SIPA1L1: variants seen among roughly 807,000 people sequenced by gnomAD.
SIPA1L1 encodes signal-induced proliferation-associated 1-like protein 1.
Under a neutral mutation model 162.7 loss-of-function variants are expected in SIPA1L1, and 26 were observed. That is an observed-to-expected ratio of 0.16 (90% CI 0.12 to 0.22). The LOEUF is 0.22. SIPA1L1 is among the 10% of genes least tolerant of loss of function. SIPA1L1 has a pLI of 1.00. For missense variants in SIPA1L1, 1,874 were observed against 2,241.0 expected, an observed-to-expected ratio of 0.84 and a Z score of 3.31; for synonymous variants, 829 against 837.4, an observed-to-expected ratio of 0.99 and a Z score of 0.17.
chr14:71,540,249 G>T (rs1490311287), intron 4 of SIPA1L1, among the ~76,000 whole-genome samples: 1 of 152,214 alleles, frequency 6.6e-6, no homozygotes. Context: ...TCCTGCCTCT[G>T]TTGTGAGACT....
intron 2 of SIPA1L1, among the ~76,000 whole-genome samples, chr14:71,474,794 C>G (rs962405469): frequency 1.3e-5 from 2 of 152,092 alleles, no homozygotes; most frequent in Admixed American, 1.3e-4. Context: ...ATAGTTGATT[C>G]TTAATTCTGA....
intron 2 of SIPA1L1, among the ~76,000 whole-genome samples, chr14:71,447,958 G>T (rs1028203770): frequency 3.3e-5 from 5 of 152,096 alleles, no homozygotes; most frequent in African/African-American, 9.7e-5. Flanking sequence ...AAAGTTCATG[G>T]TATTCCAAGG....
chr14:71,346,497 G>A (rs1314244873), intron 2 of SIPA1L1, among the ~76,000 whole-genome samples: 1 of 152,164 alleles, frequency 6.6e-6, no homozygotes, highest in African/African-American at 2.4e-5. Flanking sequence ...TCAGAGCAAA[G>A]ATGGTATTAC....
chr14:71,704,838 T>A (rs2082329895), intron 15 of SIPA1L1: 3 of 1,245,232 alleles, frequency 2.4e-6, no homozygotes, highest in Non-Finnish European at 2.4e-6. Flanking sequence ...TCCATGCCTG[T>A]CTAGGTAATG....
chr14:71,504,576 T>C (rs1209888870), intron 2 of SIPA1L1, among the ~76,000 whole-genome samples: 3 of 152,164 alleles, frequency 2.0e-5, no homozygotes, highest in Non-Finnish European at 4.4e-5. Context: ...CATTATCTTA[T>C]GTATTATTAA....
At chr14:71,738,193 CAG>C in intron 22 of SIPA1L1, 46 bp from the exon 23 acceptor site, 2 of 979,486 alleles carry the variant, frequency 2.0e-6, no homozygotes, top group Non-Finnish European at 3.1e-6. Context: ...AAAACAAACC[CAG>C]CCATGGAGGC....
At chr14:71,539,402 A>G (rs2054183510) in intron 4 of SIPA1L1, among the ~76,000 whole-genome samples, 1 of 152,210 alleles carries the variant, frequency 6.6e-6, no homozygotes, top group Non-Finnish European at 1.5e-5. Context: ...CTTCTCGATT[A>G]GGCCAGCTTG....
intron 2 of SIPA1L1, among the ~76,000 whole-genome samples, chr14:71,388,465 T>C (rs1699901185): frequency 3.3e-5 from 5 of 152,260 alleles, no homozygotes; most frequent in Admixed American, 3.3e-4. Context: ...TTAGCTTTTC[T>C]TTTCATAGCC....
intron 17 of SIPA1L1, among the ~76,000 whole-genome samples, chr14:71,715,573 C>T (rs143341489): frequency 2.0e-4 from 31 of 152,334 alleles, no homozygotes; most frequent in African/African-American, 7.2e-4. Context: ...AACCAAAATC[C>T]TGTTCCACCT....
At chr14:71,639,483 A>C (rs892998678) in intron 7 of SIPA1L1, among the ~76,000 whole-genome samples, 8 of 152,206 alleles carry the variant, frequency 5.3e-5, no homozygotes, top group Non-Finnish European at 1.2e-4. Context: ...TATATTAATC[A>C]TGTCAGTGTT....
At chr14:71,457,442 G>T (rs534351345) in intron 2 of SIPA1L1, among the ~76,000 whole-genome samples, 210 of 151,906 alleles carry the variant, frequency 1.4e-3, no homozygotes, top group Non-Finnish European at 2.5e-3. Context: ...GTGGCTACAG[G>T]CACATGTCAC....
At chr14:71,571,628 G>GTTTATTTATTTATTTA (rs374571269) in intron 4 of SIPA1L1, among the ~76,000 whole-genome samples, 7 of 151,124 alleles carry the variant, frequency 4.6e-5, no homozygotes, top group East Asian at 1.9e-4. Context: ...AAACTGGATG[G>GTTTATTTATTTATTTA]TTTATTTATT....
At chr14:71,651,211 T>C (rs2042589885) in intron 8 of SIPA1L1, among the ~76,000 whole-genome samples, 1 of 152,246 alleles carries the variant, frequency 6.6e-6, no homozygotes. Flanking sequence ...TGTTGACTTT[T>C]GCTATGTGTC....
intron 2 of SIPA1L1, among the ~76,000 whole-genome samples, chr14:71,498,614 A>G (rs1429098626): frequency 6.6e-6 from 1 of 152,326 alleles, no homozygotes; most frequent in South Asian, 2.1e-4. Context: ...AGCATTGTCT[A>G]TGAGCTGAAT....
At chr14:71,673,574 G>C (rs2044755077) in intron 12 of SIPA1L1, among the ~76,000 whole-genome samples, 2 of 152,074 alleles carry the variant, frequency 1.3e-5, no homozygotes, top group South Asian at 4.1e-4. Context: ...AAAAAGTAAA[G>C]AGCAGCAAAT....
At chr14:71,335,720 G>A (rs1285267085) in intron 2 of SIPA1L1, among the ~76,000 whole-genome samples, 1 of 152,138 alleles carries the variant, frequency 6.6e-6, no homozygotes, top group African/African-American at 2.4e-5. Flanking sequence ...CTCTACATGA[G>A]GGTTTTTGTT....
intron 17 of SIPA1L1, among the ~76,000 whole-genome samples, chr14:71,717,127 T>G (rs1357886411): frequency 6.6e-6 from 1 of 152,208 alleles, no homozygotes; most frequent in Non-Finnish European, 1.5e-5. Flanking sequence ...CTCAATTTCC[T>G]GACCTCATGA....
intron 2 of SIPA1L1, among the ~76,000 whole-genome samples, chr14:71,445,891 C>T (rs1025839664): frequency 2.6e-5 from 4 of 152,096 alleles, no homozygotes; most frequent in African/African-American, 7.2e-5. Flanking sequence ...CTCTGTTGCT[C>T]AGGTTGGAGT....
chr14:71,599,147 CTTTTTT>C (rs35037397), intron 5 of SIPA1L1, among the ~76,000 whole-genome samples: 23 of 106,200 alleles, frequency 2.2e-4, no homozygotes, highest in Non-Finnish European at 3.0e-4. Flanking sequence ...TGATTTCATT[CTTTTTT>C]TTTTTTTTTT....
Sources: allele counts gnomAD v4.1 joint callset (sites outside exome capture counted in the v4.1 genomes callset), GRCh38; gene constraint gnomAD v4.1.1; transcripts MANE v1.5; gene names NCBI Gene and HGNC (gene_info 2026-07-23, HGNC 2026-07-21).